Variants in TXNRD1 observed in about 807,000 individuals in gnomAD.
The protein encoded by TXNRD1 is thioredoxin reductase 1, cytoplasmic.
Under a neutral mutation model 80.3 loss-of-function variants are expected in TXNRD1, and 57 were observed. The observed-to-expected ratio is 0.71, with a 90% CI of 0.57 to 0.89. The LOEUF (loss-of-function observed/expected upper bound fraction) is 0.89. Ranked by LOEUF, TXNRD1 falls within the 40% of genes least tolerant of loss-of-function variation. TXNRD1 has a pLI of 0.00. For missense variants in TXNRD1, 730 were observed against 803.0 expected (o/e 0.91, Z 1.10); for synonymous variants, 291 against 285.2 (o/e 1.02, Z -0.20).
At chr12:104,322,292 C>T (rs1026012015) in intron 10 of TXNRD1, among the ~76,000 whole-genome samples, 6 of 150,522 alleles carry the variant, frequency 4.0e-5, no homozygotes, top group African/African-American at 1.5e-4. Context: ...TGAATCATCT[C>T]ATAATATTGT....
chr12:104,243,698 A>C (rs1428158603), intron 1 of TXNRD1, among the ~76,000 whole-genome samples: 1 of 152,220 alleles, frequency 6.6e-6, no homozygotes, highest in African/African-American at 2.4e-5. Flanking sequence ...AAATATGTGC[A>C]TGACAAACCT....
intron 1 of TXNRD1, among the ~76,000 whole-genome samples, chr12:104,228,913 G>A (rs911084172): frequency 3.3e-5 from 5 of 151,660 alleles, no homozygotes; most frequent in Non-Finnish European, 7.4e-5. Flanking sequence ...TAGAGATGGG[G>A]TTTCACTGTG....
Position 104,241,693 on chromosome 12 carries a change from T to TTTTATTTATTTA in TXNRD1, c.92-9818_92-9807dup, listed in dbSNP as rs112014885. On this transcript the variant is annotated intron_variant, in intron 1 of 16. Coordinates refer to ENST00000525566, the MANE Select transcript of TXNRD1 (RefSeq NM_001093771.3). The stretch of plus-strand genomic sequence containing the variant: ...AGTCTGATTTCTTTTTAAATTTTAC[T>TTTTATTTATTTA]TTTATTTATTTATTTATTTATTTAT... Among the ~76,000 whole-genome samples the TTTTATTTATTTA allele has an allele frequency of 1.6e-3, 236 of 151,386 alleles. 1 individual carries two copies. Among genetic ancestry groups the TTTTATTTATTTA allele is most frequent in the African/African-American group, 5.3e-3 (218 of 41,358 alleles).
chr12:104,255,060 C>A (rs190730252), intron 2 of TXNRD1, among the ~76,000 whole-genome samples: 2 of 151,968 alleles, frequency 1.3e-5, no homozygotes. Flanking sequence ...GAGCCAAGAT[C>A]GTGCCTCTAA....
rs752224301 is a variant in TXNRD1 at position 104,319,024 on chromosome 12, A to T, written c.842A>T (p.Tyr281Phe). ...REKKVVYENA[Y>F]GQFIGPHRIK... Reference sequence around the variant, plus strand: ...AAAAAAGTCGTCTATGAGAATGCTTATGGGCAATTTATTGGTCCTCACAGG... The same window carrying T: ...AAAAAAGTCGTCTATGAGAATGCTTTTGGGCAATTTATTGGTCCTCACAGG... The change falls in exon 8 of 17, where the codon TAT becomes TTT. Residue 281 changes from tyrosine (Y) to phenylalanine (F), a missense_variant. By Grantham distance (22) the Tyr-to-Phe change is conservative. Transcript: ENST00000525566. 1.4e-5 allele frequency: 23 copies of T among 1,613,650 alleles called. No individual in the cohort carries two copies. The highest frequency in any genetic ancestry group is 1.9e-5 in the Non-Finnish European group (22 of 1,179,850).
rs1259408089 is a variant in TXNRD1 at position 104,319,451 on chromosome 12, C to T, written c.874-19C>T. 1 of 1,472,798 alleles carries T rather than the reference C, an allele frequency of 6.8e-7. No homozygotes were observed. The highest frequency in any genetic ancestry group is 9.3e-7 in the Non-Finnish European group (1 of 1,075,310). The allele number at this position is 1,472,798 out of a possible 1,614,324, so 91.2% of individuals were successfully genotyped here. A position where few individuals can be genotyped will look rare whatever the true frequency, so the allele number is the denominator to read the frequency against. ...AGGAATGATTACTTAATAAGGTTTT[C>T]ATATTGGTTCCTTTGTAGGCAACAA... On this transcript the variant is annotated intron_variant, in intron 8 of 16. Coordinates refer to ENST00000525566, the MANE Select transcript of TXNRD1 (RefSeq NM_001093771.3).
At chr12:104,236,179 G>T (rs949751112) in intron 1 of TXNRD1, among the ~76,000 whole-genome samples, 3 of 152,112 alleles carry the variant, frequency 2.0e-5, no homozygotes, top group African/African-American at 7.2e-5. Context: ...CTGTAAATCC[G>T]ACTCCTCCCA....
intron 4 of TXNRD1, among the ~76,000 whole-genome samples, chr12:104,303,248 TGA>T (rs528298077): frequency 3.3e-5 from 5 of 152,286 alleles, no homozygotes; most frequent in African/African-American, 1.2e-4. Flanking sequence ...AGAGGACATG[TGA>T]AAGTAATTAA....
At chr12:104,229,336 C>A (rs2032558087) in intron 1 of TXNRD1, among the ~76,000 whole-genome samples, 1 of 151,032 alleles carries the variant, frequency 6.6e-6, no homozygotes, top group African/African-American at 2.4e-5. Context: ...TTTGTAGAGT[C>A]AGGGTTTCAC....
Position 104,215,859 on chromosome 12 carries a change from G to A in TXNRD1, c.57G>A (p.Thr19=), listed in dbSNP as rs776716920. The A allele has an allele frequency of 1.3e-6, 2 of 1,559,908 alleles. No homozygotes were observed. Among genetic ancestry groups the A allele is most frequent in the Non-Finnish European group, 1.7e-6 (2 of 1,152,980 alleles). ...CGGCCGCCCCAACGGAGCTGCAGAC[G>A]AAAGGCAAGAACGGCGATGGCCGCC... ...VAAAAPTELQ[T]KGKNGDGRRR... is the part of the protein sequence containing the mutation. The change falls in exon 1 of 17, where the codon ACG becomes ACA. Residue 19 remains threonine (T), a synonymous_variant. Transcript: ENST00000525566.
intron 4 of TXNRD1, chr12:104,304,722 C>T: frequency 6.2e-7 from 1 of 1,613,536 alleles, no homozygotes; most frequent in Admixed American, 1.7e-5. Flanking sequence ...TTTTATGTTT[C>T]TTTTATTGTA....
chr12:104,287,985 G>T (rs533441022), intron 3 of TXNRD1, among the ~76,000 whole-genome samples: 42 of 151,862 alleles, frequency 2.8e-4, no homozygotes, highest in East Asian at 3.9e-4. Flanking sequence ...TTTTTTGTTG[G>T]TTTTTTTTGT....
chr12:104,217,967 C>CAT (rs941823667), intron 1 of TXNRD1, among the ~76,000 whole-genome samples: 5 of 151,666 alleles, frequency 3.3e-5, no homozygotes, highest in African/African-American at 4.8e-5. Context: ...TGTATATGTA[C>CAT]ATACACACAC....
At chr12:104,253,162 T>G (rs1056679080) in intron 2 of TXNRD1, among the ~76,000 whole-genome samples, 1 of 152,114 alleles carries the variant, frequency 6.6e-6, no homozygotes, top group Non-Finnish European at 1.5e-5. Flanking sequence ...TGTTTCTCTC[T>G]CTCGTTCTGC....
intron 11 of TXNRD1, 120 bp downstream of exon 11, chr12:104,325,549 C>T: frequency 1.4e-6 from 1 of 718,736 alleles, no homozygotes; most frequent in Non-Finnish European, 2.4e-6. Flanking sequence ...TATGCCAATT[C>T]TTAGACATCT....
At chr12:104,338,452 T>C (rs572933952) in intron 15 of TXNRD1, among the ~76,000 whole-genome samples, 1 of 151,342 alleles carries the variant, frequency 6.6e-6, no homozygotes, top group Non-Finnish European at 1.5e-5. Flanking sequence ...CCCAGCACTT[T>C]GGGAGGCCGA....
chr12:104,230,047 C>T (rs1301479350), intron 1 of TXNRD1, among the ~76,000 whole-genome samples: 1 of 151,686 alleles, frequency 6.6e-6, no homozygotes, highest in Non-Finnish European at 1.5e-5. Flanking sequence ...ATTGTTGGAC[C>T]ATATGGTAAC....
At chr12:104,270,112 C>T (rs916826165) in intron 3 of TXNRD1, among the ~76,000 whole-genome samples, 4 of 152,190 alleles carry the variant, frequency 2.6e-5, no homozygotes, top group African/African-American at 7.2e-5. Flanking sequence ...GGGTTGGAAT[C>T]ACCTTCTTCC....
At chr12:104,220,004 T>C (rs1322461898) in intron 1 of TXNRD1, among the ~76,000 whole-genome samples, 1 of 152,194 alleles carries the variant, frequency 6.6e-6, no homozygotes, top group African/African-American at 2.4e-5. Context: ...GGAAGCTTCA[T>C]TTTTGGTGTC....
Sources: gnomAD v4.1 joint callset for allele counts (sites outside exome capture counted in the v4.1 genomes callset) on GRCh38, gnomAD v4.1.1 for gene constraint, MANE v1.5 for transcripts, NCBI Gene and HGNC (gene_info 2026-07-23, HGNC 2026-07-21) for gene names.